The following FRMD4A variants were observed in gnomAD, a reference collection of about 807,000 sequenced individuals.
The protein encoded by FRMD4A is FERM domain containing 4A, also known as FERM domain-containing protein 4A.
Under a neutral mutation model 129.1 loss-of-function variants are expected in FRMD4A, and 29 were observed. The observed-to-expected ratio is 0.22, with a 90% CI of 0.17 to 0.31. The LOEUF (loss-of-function observed/expected upper bound fraction) is 0.31. Among genes scored for constraint, FRMD4A ranks in the 10% least tolerant of loss-of-function variants. FRMD4A has a pLI of 1.00. For synonymous variants in FRMD4A, 634 were observed against 571.6 expected (o/e 1.11, Z -1.56); for missense variants, 1,272 against 1,375.8 (o/e 0.92, Z 1.19).
intron 2 of FRMD4A, among the ~76,000 whole-genome samples, chr10:14,000,364 G>C (rs770555551): frequency 6.6e-6 from 1 of 151,930 alleles, no homozygotes; most frequent in African/African-American, 2.4e-5. Context: ...CATTTCCCCC[G>C]GGGCAGGTGT....
intron 17 of FRMD4A, among the ~76,000 whole-genome samples, chr10:13,666,911 C>CTTTTTTTTT (rs10546068): frequency 6.5e-4 from 74 of 114,364 alleles, no homozygotes; most frequent in Middle Eastern, 0.011. Context: ...CTTTTCTTTT[C>CTTTTTTTTT]TTTTTTTTTT....
chr10:14,185,508 T>C (rs1256476260), intron 2 of FRMD4A, among the ~76,000 whole-genome samples: 2 of 152,122 alleles, frequency 1.3e-5, no homozygotes, highest in Admixed American at 6.5e-5. Context: ...TTCAAGTATT[T>C]TTTGGAGGTT....
chr10:14,328,758 A>T (rs1213247841), intron 2 of FRMD4A, among the ~76,000 whole-genome samples: 1 of 152,070 alleles, frequency 6.6e-6, no homozygotes, highest in Non-Finnish European at 1.5e-5. Flanking sequence ...GCCAGCCATC[A>T]TCACGAATAC....
At chr10:13,666,379 C>T (rs1476302927) in intron 17 of FRMD4A, 54 bp from the exon 18 acceptor site, 1 of 1,226,340 alleles carries the variant, frequency 8.2e-7, no homozygotes, top group East Asian at 2.3e-5. Flanking sequence ...GCAGGGAGAC[C>T]CTCATCCTTC....
intron 6 of FRMD4A, among the ~76,000 whole-genome samples, chr10:13,777,661 G>A (rs1012353733): frequency 6.6e-6 from 1 of 152,062 alleles, no homozygotes; most frequent in Admixed American, 6.6e-5. Flanking sequence ...AATTTTCCCT[G>A]AATCGCAAAG....
chr10:13,947,639 C>T (rs979473772), intron 2 of FRMD4A, among the ~76,000 whole-genome samples: 1 of 151,900 alleles, frequency 6.6e-6, no homozygotes, highest in South Asian at 2.1e-4. Flanking sequence ...CATATATATA[C>T]ACCATGTCTA....
chr10:13,884,168 T>TCACACA (rs745788719), intron 2 of FRMD4A, among the ~76,000 whole-genome samples: 4 of 67,496 alleles, frequency 5.9e-5, no homozygotes, highest in African/African-American at 2.6e-4. Flanking sequence ...ACACACACAC[T>TCACACA]CACACACTCA....
intron 2 of FRMD4A, among the ~76,000 whole-genome samples, chr10:13,959,091 G>C (rs1167203243): frequency 6.6e-6 from 1 of 152,122 alleles, no homozygotes; most frequent in Admixed American, 6.5e-5. Context: ...TCTCAGCAAT[G>C]GGCACTTGCA....
At chr10:13,700,816 GTTGCTTTTT>G (rs1455424577) in intron 14 of FRMD4A, among the ~76,000 whole-genome samples, 2 of 63,930 alleles carry the variant, frequency 3.1e-5, no homozygotes, top group African/African-American at 1.4e-4. Context: ...AAACAGGGTA[GTTGCTTTTT>G]TTTTTTTTTT....
At chr10:13,948,255 T>C (rs1403863847) in intron 2 of FRMD4A, among the ~76,000 whole-genome samples, 1 of 151,472 alleles carries the variant, frequency 6.6e-6, no homozygotes, top group Non-Finnish European at 1.5e-5. Context: ...GGTACAATCA[T>C]AGCTTAATGC....
intron 3 of FRMD4A, among the ~76,000 whole-genome samples, chr10:13,820,662 G>A (rs1259307201): frequency 2.0e-5 from 3 of 152,104 alleles, no homozygotes; most frequent in African/African-American, 4.8e-5. Context: ...CCTGCTCTTC[G>A]CCAAGGGTGT....
At chr10:13,968,184 A>G (rs551681634) in intron 2 of FRMD4A, among the ~76,000 whole-genome samples, 62 of 152,334 alleles carry the variant, frequency 4.1e-4, no homozygotes, top group African/African-American at 1.5e-3. Context: ...CCCCGGATCA[A>G]CTAAATCAGA....
intron 2 of FRMD4A, among the ~76,000 whole-genome samples, chr10:14,118,875 A>G (rs1244413733): frequency 6.6e-6 from 1 of 152,230 alleles, no homozygotes; most frequent in South Asian, 2.1e-4. Context: ...AAACCATATC[A>G]CTGACTATAT....
chr10:14,283,849 T>C (rs1845597478), intron 2 of FRMD4A, among the ~76,000 whole-genome samples: 2 of 152,234 alleles, frequency 1.3e-5, no homozygotes, highest in South Asian at 4.1e-4. Context: ...TTCATTCAGA[T>C]TTATAACGGA....
At chr10:14,253,335 TC>T (rs1188897357) in intron 2 of FRMD4A, among the ~76,000 whole-genome samples, 3 of 152,226 alleles carry the variant, frequency 2.0e-5, no homozygotes, top group African/African-American at 4.8e-5. Flanking sequence ...CCTGGTTTTA[TC>T]CCCATATTTT....
intron 3 of FRMD4A, among the ~76,000 whole-genome samples, chr10:13,815,053 C>T (rs1042063484): frequency 1.3e-5 from 2 of 152,144 alleles, no homozygotes; most frequent in African/African-American, 4.8e-5. Context: ...TCCCAAGGAA[C>T]ACCTACATCC....
chr10:13,867,836 A>G (rs946636589), intron 2 of FRMD4A, among the ~76,000 whole-genome samples: 70 of 138,844 alleles, frequency 5.0e-4, no homozygotes, highest in African/African-American at 1.7e-3. Context: ...ATAATATATA[A>G]TAAATAATAC....
At chr10:14,057,036 T>C (rs1350565266) in intron 2 of FRMD4A, among the ~76,000 whole-genome samples, 1 of 152,152 alleles carries the variant, frequency 6.6e-6, no homozygotes, top group Non-Finnish European at 1.5e-5. Context: ...ATGTTCTGTA[T>C]CTCTTCTGGC....
chr10:14,023,452 C>G (rs1253528572), intron 2 of FRMD4A, among the ~76,000 whole-genome samples: 1 of 152,260 alleles, frequency 6.6e-6, no homozygotes, highest in Non-Finnish European at 1.5e-5. Flanking sequence ...TAGCCTTCTC[C>G]AGCTGCGAGA....
Sources: gnomAD v4.1 joint callset for allele counts (sites outside exome capture counted in the v4.1 genomes callset) on GRCh38, gnomAD v4.1.1 for gene constraint, MANE v1.5 for transcripts, NCBI Gene and HGNC (gene_info 2026-07-23, HGNC 2026-07-21) for gene names.